PLAA: variants seen among roughly 807,000 people sequenced by gnomAD.
PLAA encodes the protein phospholipase A2 activating protein.
A neutral mutation model predicts 84.1 loss-of-function variants in PLAA; 48 were observed. The observed-to-expected ratio is 0.57, with a 90% CI of 0.45 to 0.73. PLAA has a LOEUF of 0.73. Ranked by LOEUF, PLAA falls within the 30% of genes least tolerant of loss-of-function variation. The pLI is 0.00. For synonymous variants in PLAA, 392 were observed against 336.6 expected, an observed-to-expected ratio of 1.16 and a Z score of -1.80; for missense variants, 903 against 954.7, an observed-to-expected ratio of 0.95 and a Z score of 0.71.
chr9:26,945,929 A>G (rs116078204), intron 1 of PLAA, among the ~76,000 whole-genome samples: 105 of 152,324 alleles, frequency 6.9e-4, no homozygotes, highest in African/African-American at 2.3e-3. Context: ...TTTTCTTCAC[A>G]TGCCAGTTTT....
intron 1 of PLAA, among the ~76,000 whole-genome samples, chr9:26,944,262 A>T (rs1461659667): frequency 6.6e-6 from 1 of 152,170 alleles, no homozygotes; most frequent in East Asian, 1.9e-4. Context: ...TTGATAATGG[A>T]CTTCCCAGCA....
chr9:26,937,066 GGGA>G (rs1386537379), intron 1 of PLAA, among the ~76,000 whole-genome samples: 4 of 151,988 alleles, frequency 2.6e-5, no homozygotes, highest in Non-Finnish European at 1.5e-5. Context: ...GCTTGAACCC[GGGA>G]GGAGAAGGTT....
intron 12 of PLAA, among the ~76,000 whole-genome samples, chr9:26,909,470 A>G (rs892783140): frequency 6.6e-6 from 1 of 152,172 alleles, no homozygotes; most frequent in South Asian, 2.1e-4. Flanking sequence ...CGTTATGTTA[A>G]CCCAATTAAT....
chr9:26,920,288 TCAC>T lies in PLAA; in HGVS notation c.1133_1135del (p.Gly378del). On this transcript the variant is annotated inframe_deletion, in exon 8 of 14. Transcript: ENST00000397292. Reference sequence around the variant, plus strand: ...ATTAGCACCAGATGAGCCAACAACATCACCAATTTTTATCCACCTCCCTTCACT... The same window carrying T: ...ATTAGCACCAGATGAGCCAACAACATCAATTTTTATCCACCTCCCTTCACT... 3 of 1,613,954 alleles carry T rather than the reference TCAC, an allele frequency of 1.9e-6. No individual in the cohort carries two copies. The highest frequency in any genetic ancestry group is 2.5e-6 in the Non-Finnish European group (3 of 1,179,890).
chr9:26,932,219 TTTTG>T (rs374099034), intron 2 of PLAA, among the ~76,000 whole-genome samples: 47,297 of 152,164 alleles, frequency 0.31, 8,739 homozygotes, highest in East Asian at 0.69. Flanking sequence ...GATGTTTTTG[TTTTG>T]TTTTGTTTTG....
At chr9:26,936,207 T>G (rs1397906756) in intron 1 of PLAA, among the ~76,000 whole-genome samples, 2 of 152,064 alleles carry the variant, frequency 1.3e-5, no homozygotes, top group Non-Finnish European at 2.9e-5. Context: ...ATACTTATGT[T>G]TTTTAATAAA....
In PLAA at chr9:26,925,882, G is replaced by A. The variant is rs370049836; in HGVS notation, c.812C>T (p.Ala271Val). 1.1e-4 allele frequency: 183 copies of A among 1,613,606 alleles called. No homozygotes were observed. Among genetic ancestry groups the A allele is most frequent in the Non-Finnish European group, 1.5e-4 (176 of 1,179,658 alleles). ...GECAQTIRLP[A>V]QSIWCCCVLD... ...CACACAGCAGCACCATATAGACTGA[G>A]CTGGAAGTCGGATAGTTTGAGCACA... Residue 271 changes from alanine to valine, a missense_variant, in exon 6 of 14, where the codon GCT (alanine) becomes GTT (valine). Physicochemically the swap from Ala to Val is moderately conservative, Grantham distance 64 (BLOSUM62 0). Transcript: ENST00000397292.
In PLAA at chr9:26,909,460, C is replaced by T. The variant is rs190327048; in HGVS notation, c.1657+878G>A. On this transcript the variant is annotated intron_variant, in intron 12 of 13. Coordinates refer to ENST00000397292, the MANE Select transcript of PLAA (RefSeq NM_001031689.3). The stretch of plus-strand genomic sequence containing the variant: ...GCCTTATACTCTGGTAAGTATGTTA[C>T]GTTATGTTAACCCAATTAATTCTCA... Among the ~76,000 whole-genome samples, 466 of 152,124 alleles carry T rather than the reference C, an allele frequency of 3.1e-3. 2 individuals carry two copies. The highest frequency in any genetic ancestry group is 7.8e-3 in the African/African-American group (324 of 41,484).
At chr9:26,916,019 T>C in intron 10 of PLAA, 2 of 985,444 alleles carry the variant, frequency 2.0e-6, no homozygotes, top group East Asian at 1.1e-4. Context: ...CACTGTGCCA[T>C]AACAGCATTT....
chr9:26,905,479 CAATT>C lies in PLAA; in HGVS notation c.*28_*31del. 1 of 1,436,216 alleles carries C rather than the reference CAATT, an allele frequency of 7.0e-7. No individual in the cohort carries two copies. Among genetic ancestry groups the C allele is most frequent in the Non-Finnish European group, 9.6e-7 (1 of 1,046,796 alleles). 89.0% of individuals were successfully genotyped at this position (1,436,216 alleles called of 1,614,324 possible). A position where few individuals can be genotyped will look rare whatever the true frequency, so the allele number is the denominator to read the frequency against. The stretch of plus-strand genomic sequence containing the variant: ...CAAATGTGAGGAAAAAAACACTAAT[CAATT>C]AAAAATATCCGTCCCTCTTCCCCAC... On this transcript the variant is annotated 3_prime_UTR_variant, in exon 14 of 14. Coordinates refer to ENST00000397292, the MANE Select transcript of PLAA (RefSeq NM_001031689.3).
intron 2 of PLAA, among the ~76,000 whole-genome samples, chr9:26,930,581 A>ATTT (rs35790139): frequency 7.2e-6 from 1 of 139,176 alleles, no homozygotes; most frequent in East Asian, 2.2e-4. Flanking sequence ...CATCACTGAG[A>ATTT]TTTTTTTTTT....
In PLAA at chr9:26,947,098, C is replaced by G; in HGVS notation, c.-53G>C. ...CCAGGCACTGTGCGAGACCAGTCCG[C>G]AGGGGCGACTCGGAGAGCGCCGGGC... On this transcript the variant is annotated 5_prime_UTR_variant, in exon 1 of 14. Transcript: ENST00000397292. 1 of 1,437,242 alleles carries G rather than the reference C, an allele frequency of 7.0e-7. No homozygotes were observed. Among genetic ancestry groups the G allele is most frequent in the East Asian group, 2.8e-5 (1 of 35,380 alleles). 89.0% of individuals were successfully genotyped at this position (1,437,242 alleles called of 1,614,324 possible).
chr9:26,920,136 C>T, intron 8 of PLAA, 91 bp downstream of exon 8: 1 of 1,051,246 alleles, frequency 9.5e-7, no homozygotes, highest in Admixed American at 2.3e-5. Flanking sequence ...AATGTCAAAA[C>T]AAAGGAAATT....
At chr9:26,923,372 T>C (rs948903561) in intron 6 of PLAA, 25 bp from the exon 7 acceptor site, 3 of 1,535,286 alleles carry the variant, frequency 2.0e-6, no homozygotes, top group African/African-American at 1.4e-5. Context: ...AAACTGATTT[T>C]AGAAGTCATT....
chr9:26,944,576 T>C lies in PLAA; in HGVS notation c.149+2321A>G, dbSNP rs73433945. ...GCATAAAATACACTAATAATTACAA[T>C]AGCTGATGAGCATTTTTAAAAAAAT... On this transcript the variant is annotated intron_variant, in intron 1 of 13. Transcript: ENST00000397292. 7.6e-3 allele frequency among the ~76,000 whole-genome samples: 1,159 copies of C among 151,970 alleles called. 15 individuals are homozygous for C. The highest frequency in any genetic ancestry group is 0.026 in the African/African-American group (1,079 of 41,506).
intron 2 of PLAA, among the ~76,000 whole-genome samples, chr9:26,930,162 CTG>C (rs1825134137): frequency 6.7e-6 from 1 of 148,928 alleles, no homozygotes; most frequent in Non-Finnish European, 1.5e-5. Flanking sequence ...TGGAGTGCAG[CTG>C]TGTGATCTCG....
At position 26,947,075 on chromosome 9, in the gene PLAA, A is replaced by G. The variant is rs752732001; in HGVS notation, c.-30T>C. The G allele has an allele frequency of 6.5e-7, 1 of 1,543,878 alleles. No homozygotes were observed. The highest frequency in any genetic ancestry group is 1.4e-5 in the African/African-American group (1 of 73,318). On this transcript the variant is annotated 5_prime_UTR_variant, in exon 1 of 14. Transcript: ENST00000397292. ...AGTGTCTGTCTGGCGCCCGGTGCCC[A>G]GGCACTGTGCGAGACCAGTCCGCAG...
chr9:26,916,361 T>G (rs764726981), intron 10 of PLAA: 3 of 986,828 alleles, frequency 3.0e-6, no homozygotes, highest in Non-Finnish European at 3.6e-6. Context: ...ATTCTGAAAA[T>G]AGAGACTTCT....
At chr9:26,926,593 A>G (rs776986198) in intron 4 of PLAA, 33 bp from the exon 5 acceptor site, 2 of 1,552,402 alleles carry the variant, frequency 1.3e-6, no homozygotes, top group East Asian at 4.5e-5. Flanking sequence ...AAATCAATAA[A>G]ACTGATAATT....
Sources: gnomAD v4.1 joint callset for allele counts (sites outside exome capture counted in the v4.1 genomes callset) on GRCh38, gnomAD v4.1.1 for gene constraint, MANE v1.5 for transcripts, NCBI Gene and HGNC (gene_info 2026-07-23, HGNC 2026-07-21) for gene names.